Variants in TMEM39A observed in about 807,000 individuals in gnomAD.
TMEM39A encodes transmembrane protein 39A.
A neutral mutation model predicts 51.9 loss-of-function variants in TMEM39A; 19 were observed. The observed-to-expected ratio is 0.37, with a 90% CI of 0.26 to 0.54. The LOEUF is 0.54. TMEM39A is among the 20% of genes least tolerant of loss of function. The pLI is 0.88. For missense variants in TMEM39A, 433 were observed against 590.5 expected (o/e 0.73, Z 2.76); for synonymous variants, 197 against 220.2 (o/e 0.89, Z 0.93).
chr3:119,452,544 A>G lies in TMEM39A; in HGVS notation c.337-14T>C. 6.3e-7 allele frequency: 1 copy of G among 1,599,618 alleles called. No individual in the cohort carries two copies. The highest frequency in any genetic ancestry group is 8.6e-7 in the Non-Finnish European group (1 of 1,167,792). ...GAGATGAAAATTCTACAACAGAAAT[A>G]AATAACTACATCAGAAAGAAATATG... On this transcript the variant is annotated splice_polypyrimidine_tract_variant and intron_variant, in intron 3 of 8. Coordinates refer to ENST00000319172, the MANE Select transcript of TMEM39A (RefSeq NM_018266.3).
chr3:119,454,626 C>T (rs1468210689), intron 3 of TMEM39A, among the ~76,000 whole-genome samples: 1 of 152,112 alleles, frequency 6.6e-6, no homozygotes, highest in Non-Finnish European at 1.5e-5. Flanking sequence ...CCTGTCTCTA[C>T]TAAAAATACA....
At chr3:119,439,055 A>G (rs1450245414) in intron 5 of TMEM39A, among the ~76,000 whole-genome samples, 1 of 152,084 alleles carries the variant, frequency 6.6e-6, no homozygotes, top group Non-Finnish European at 1.5e-5. Flanking sequence ...CTCATTAATA[A>G]AAAAAAATTC....
intron 2 of TMEM39A, among the ~76,000 whole-genome samples, chr3:119,459,937 A>C (rs1235801484): frequency 2.6e-5 from 4 of 152,124 alleles, no homozygotes; most frequent in Admixed American, 6.5e-5. Flanking sequence ...TCCTAAAACT[A>C]TATTATAAGC....
At chr3:119,436,024 T>A in intron 7 of TMEM39A, 2 of 908,004 alleles carry the variant, frequency 2.2e-6, no homozygotes, top group Non-Finnish European at 3.0e-6. Flanking sequence ...CCCACTTAAC[T>A]AGGGAAAAAT....
chr3:119,435,965 A>C, intron 7 of TMEM39A: 2 of 1,280,126 alleles, frequency 1.6e-6, no homozygotes, highest in African/African-American at 3.0e-5. Context: ...AGATAATTGA[A>C]GGGAGAACTC....
chr3:119,454,615 C>T (rs2081241578), intron 3 of TMEM39A, among the ~76,000 whole-genome samples: 1 of 152,120 alleles, frequency 6.6e-6, no homozygotes, highest in South Asian at 2.1e-4. Flanking sequence ...TGTGGTGAAA[C>T]CCTGTCTCTA....
chr3:119,451,269 C>G (rs1365954107), intron 4 of TMEM39A: 1 of 1,288,052 alleles, frequency 7.8e-7, no homozygotes, highest in Non-Finnish European at 1.0e-6. Context: ...TCCAGTTACT[C>G]TGCTTCCAGA....
At chr3:119,458,525 T>C (rs566921790) in intron 2 of TMEM39A, among the ~76,000 whole-genome samples, 1 of 152,350 alleles carries the variant, frequency 6.6e-6, no homozygotes, top group African/African-American at 2.4e-5. Flanking sequence ...CTCTGTGTTC[T>C]TCCCTCCTAT....
At chr3:119,445,412 G>A (rs539319792) in intron 5 of TMEM39A, among the ~76,000 whole-genome samples, 2 of 152,184 alleles carry the variant, frequency 1.3e-5, no homozygotes, top group South Asian at 2.1e-4. Flanking sequence ...TTACAGACAC[G>A]TGCCACCACG....
chr3:119,448,076 T>C (rs2081151347), intron 4 of TMEM39A, among the ~76,000 whole-genome samples: 2 of 152,326 alleles, frequency 1.3e-5, no homozygotes, highest in Admixed American at 1.3e-4. Context: ...TAGTGAAGTT[T>C]CAAAAAATAA....
At chr3:119,437,714 C>T in intron 6 of TMEM39A, 41 bp downstream of exon 6, 3 of 1,439,010 alleles carry the variant, frequency 2.1e-6, no homozygotes, top group Non-Finnish European at 2.8e-6. Flanking sequence ...GTAATTCACA[C>T]ACAAATCCAG....
At chr3:119,435,864 T>G (rs1464795895) in intron 7 of TMEM39A, 29 of 1,289,556 alleles carry the variant, frequency 2.2e-5, no homozygotes, top group Admixed American at 4.6e-5. Context: ...ATCTGTCCTT[T>G]GCCCACAGTC....
chr3:119,451,445 T>C, intron 4 of TMEM39A: 3 of 514,318 alleles, frequency 5.8e-6, no homozygotes, highest in Non-Finnish European at 9.7e-6. Context: ...TCAGCTAAAT[T>C]AACATTTTTT....
At chr3:119,448,042 T>C (rs185396214) in intron 4 of TMEM39A, among the ~76,000 whole-genome samples, 32 of 152,340 alleles carry the variant, frequency 2.1e-4, no homozygotes, top group African/African-American at 6.5e-4. Context: ...TCTAATTTGC[T>C]TGGTGAATTA....
chr3:119,438,823 G>A (rs540374005), intron 5 of TMEM39A, among the ~76,000 whole-genome samples: 18 of 152,148 alleles, frequency 1.2e-4, no homozygotes, highest in Non-Finnish European at 2.5e-4. Flanking sequence ...TCCCACAGGC[G>A]ACCCTTCTTC....
chr3:119,442,079 G>A (rs1398529173), intron 5 of TMEM39A, among the ~76,000 whole-genome samples: 6 of 152,292 alleles, frequency 3.9e-5, no homozygotes, highest in Non-Finnish European at 5.9e-5. Context: ...GGTGGCTCAC[G>A]CCTGTAATCC....
At chr3:119,446,618 C>A (rs2081129030) in intron 5 of TMEM39A, 1 of 157,938 alleles carries the variant, frequency 6.3e-6, no homozygotes, top group Non-Finnish European at 1.4e-5. Context: ...ACTTATTGTA[C>A]TTCTGTTACA....
At chr3:119,441,603 A>G (rs763151386) in intron 5 of TMEM39A, among the ~76,000 whole-genome samples, 48 of 152,252 alleles carry the variant, frequency 3.2e-4, no homozygotes, top group Non-Finnish European at 5.6e-4. Flanking sequence ...AAGCTGTCCC[A>G]TAACATAAAA....
rs2080886982 is a variant in TMEM39A, at chr3:119,430,692, T to C, written c.*1289A>G. 1 of 152,178 alleles carries C rather than the reference T, an allele frequency of 6.6e-6. No homozygotes were observed. The highest frequency in any genetic ancestry group is 2.4e-5 in the African/African-American group (1 of 41,452). The allele number at this position is 152,178 out of a possible 1,614,324, so 9.4% of individuals were successfully genotyped here. A position where few individuals can be genotyped will look rare whatever the true frequency, so the allele number is the denominator to read the frequency against. ...AAACTGATATTGGGTACCTTGGTTTTACAAACACTCCTCACAATACTTCCC... is the reference window on the plus strand; with the variant it reads ...AAACTGATATTGGGTACCTTGGTTTCACAAACACTCCTCACAATACTTCCC... On this transcript the variant is annotated 3_prime_UTR_variant, in exon 9 of 9. Transcript: ENST00000319172.
Sources: gnomAD v4.1 joint callset for allele counts (sites outside exome capture counted in the v4.1 genomes callset) on GRCh38, gnomAD v4.1.1 for gene constraint, MANE v1.5 for transcripts, NCBI Gene and HGNC (gene_info 2026-07-23, HGNC 2026-07-21) for gene names.